The following KLHL32 variants were observed in gnomAD, a reference collection of about 807,000 sequenced individuals.
KLHL32 encodes kelch like family member 32.
A neutral mutation model predicts 64.8 loss-of-function variants in KLHL32; 35 were observed. The ratio of observed to expected loss-of-function variants is 0.54; its 90% CI spans 0.41 to 0.72. The LOEUF is 0.72. KLHL32 is among the 30% of genes least tolerant of loss of function. KLHL32 has a pLI of 0.00. For missense variants in KLHL32, 589 were observed against 768.5 expected (o/e 0.77, Z 2.76); for synonymous variants, 259 against 281.0 (o/e 0.92, Z 0.78).
At chr6:97,103,294 A>G (rs1318430088) in intron 6 of KLHL32, among the ~76,000 whole-genome samples, 2 of 151,186 alleles carry the variant, frequency 1.3e-5, no homozygotes, top group African/African-American at 2.4e-5. Flanking sequence ...GCTCACTGCA[A>G]GCTCCGCTTC....
At chr6:96,937,109 G>A (rs1188136566) in intron 1 of KLHL32, among the ~76,000 whole-genome samples, 7 of 151,528 alleles carry the variant, frequency 4.6e-5, no homozygotes, top group Non-Finnish European at 1.5e-5. Flanking sequence ...TTCACCCATT[G>A]TAACTGTGTA....
intron 7 of KLHL32, 140 bp downstream of exon 7, chr6:97,114,649 A>G (rs899058883): frequency 1.1e-6 from 1 of 931,982 alleles, no homozygotes; most frequent in African/African-American, 1.6e-5. Flanking sequence ...ACATTCATTT[A>G]TTGAGCACCT....
chr6:96,907,123 G>T, the KLHL32 span, among the ~76,000 whole-genome samples: 1 of 152,132 alleles, frequency 6.6e-6, no homozygotes, highest in Non-Finnish European at 1.5e-5. Flanking sequence ...TTGTTATTTA[G>T]CAATGCAGCT....
chr6:96,928,067 C>T (rs567178201), intron 1 of KLHL32, among the ~76,000 whole-genome samples: 3 of 152,244 alleles, frequency 2.0e-5, no homozygotes, highest in Admixed American at 2.0e-4. Flanking sequence ...TTACCTAATG[C>T]AGGTTATAGA....
At position 96,973,730 on chromosome 6, in the gene KLHL32, C is replaced by CTTTTTTTTTTTTTTTTTTT. The variant is rs558193523; in HGVS notation, c.24-2256_24-2255insTTTTTTTTTTTTTTTTTTT. ...GATTTTTGAGATCTTTACAGATTGC[C>CTTTTTTTTTTTTTTTTTTT]TTTTTTTTTTTAGACAGAGTCTCGC... On this transcript the variant is annotated intron_variant, in intron 2 of 10. Coordinates refer to ENST00000369261, the MANE Select transcript of KLHL32 (RefSeq NM_052904.4). Among the ~76,000 whole-genome samples, 693 of 118,000 alleles carry CTTTTTTTTTTTTTTTTTTT rather than the reference C, an allele frequency of 5.9e-3. 63 individuals are homozygous for CTTTTTTTTTTTTTTTTTTT. Among genetic ancestry groups the CTTTTTTTTTTTTTTTTTTT allele is most frequent in the South Asian group, 0.013 (45 of 3,572 alleles). 77.4% of individuals were successfully genotyped at this position (118,000 alleles called of 152,430 possible).
Position 97,041,489 on chromosome 6 carries a change from C to A in KLHL32, c.205-3C>A, listed in dbSNP as rs1358042003. The A allele has an allele frequency of 5.6e-6, 9 of 1,604,578 alleles. No homozygotes were observed. The highest frequency in any genetic ancestry group is 7.7e-6 in the Non-Finnish European group (9 of 1,171,420). On this transcript the variant is annotated splice_polypyrimidine_tract_variant and splice_region_variant and intron_variant, in intron 3 of 10. Coordinates refer to ENST00000369261, the MANE Select transcript of KLHL32 (RefSeq NM_052904.4). ...ACTGTCTTTCTCCCTTTCCTCACCT[C>A]AGGCAATGTTCAGTCTTTGTATGGT...
intron 6 of KLHL32, among the ~76,000 whole-genome samples, chr6:97,095,020 T>C (rs1562330584): frequency 6.6e-6 from 1 of 152,246 alleles, no homozygotes; most frequent in Non-Finnish European, 1.5e-5. Context: ...CTTTGATTAA[T>C]TCATTTGCTC....
At chr6:97,137,428 GTTCT>G (rs1800146089) in intron 10 of KLHL32, among the ~76,000 whole-genome samples, 1 of 152,122 alleles carries the variant, frequency 6.6e-6, no homozygotes, top group Admixed American at 6.5e-5. Context: ...CCACTTGTTT[GTTCT>G]TTCTTTTATT....
At chr6:96,898,526 G>A in the KLHL32 span, among the ~76,000 whole-genome samples, 2 of 151,904 alleles carry the variant, frequency 1.3e-5, no homozygotes, top group South Asian at 2.1e-4. Context: ...TGACCTAATG[G>A]TATCGATTTT....
At chr6:96,997,272 G>T (rs1562227641) in intron 3 of KLHL32, among the ~76,000 whole-genome samples, 1 of 152,230 alleles carries the variant, frequency 6.6e-6, no homozygotes, top group Admixed American at 6.5e-5. Context: ...AACCCACAGT[G>T]CCTGGCCCAC....
At chr6:96,948,894 G>T (rs1463631499) in intron 1 of KLHL32, among the ~76,000 whole-genome samples, 1 of 152,110 alleles carries the variant, frequency 6.6e-6, no homozygotes, top group Non-Finnish European at 1.5e-5. Context: ...ATGCGAAAAA[G>T]TCATGTAGCA....
At chr6:97,046,166 C>T (rs1245169428) in intron 4 of KLHL32, among the ~76,000 whole-genome samples, 1 of 152,060 alleles carries the variant, frequency 6.6e-6, no homozygotes, top group Non-Finnish European at 1.5e-5. Flanking sequence ...TCCTGGAGCA[C>T]CTTCTGAAAA....
chr6:96,968,563 T>A (rs1387789531), intron 2 of KLHL32, among the ~76,000 whole-genome samples: 1 of 152,124 alleles, frequency 6.6e-6, no homozygotes, highest in African/African-American at 2.4e-5. Context: ...CTTAAAATAA[T>A]TTTTTACTTT....
chr6:96,990,337 A>G (rs1452638080), intron 3 of KLHL32, among the ~76,000 whole-genome samples: 1 of 151,466 alleles, frequency 6.6e-6, no homozygotes, highest in Non-Finnish European at 1.5e-5. Context: ...CCTTGTTTTT[A>G]TGGGGGTGGG....
At chr6:97,032,115 C>A (rs1176682091) in intron 3 of KLHL32, among the ~76,000 whole-genome samples, 2 of 152,146 alleles carry the variant, frequency 1.3e-5, no homozygotes, top group Non-Finnish European at 2.9e-5. Flanking sequence ...GCCCACATGA[C>A]TAGTAGTTTA....
the KLHL32 span, among the ~76,000 whole-genome samples, chr6:96,905,754 T>C: frequency 6.6e-6 from 1 of 152,188 alleles, no homozygotes; most frequent in African/African-American, 2.4e-5. Flanking sequence ...TAATTATAGT[T>C]TAGGTTTGAT....
intron 6 of KLHL32, among the ~76,000 whole-genome samples, chr6:97,092,509 G>T (rs961426326): frequency 4.6e-5 from 7 of 152,060 alleles, no homozygotes; most frequent in African/African-American, 1.5e-4. Context: ...CTACAAATGT[G>T]ATGAGGGTAT....
chr6:97,108,039 G>T (rs1796643388), intron 6 of KLHL32, among the ~76,000 whole-genome samples: 1 of 152,180 alleles, frequency 6.6e-6, no homozygotes, highest in Non-Finnish European at 1.5e-5. Context: ...GTGCTTGAGA[G>T]ACCTCCTGTT....
intron 1 of KLHL32, among the ~76,000 whole-genome samples, chr6:96,935,032 A>G (rs979254283): frequency 5.3e-5 from 8 of 152,356 alleles, no homozygotes; most frequent in Admixed American, 5.2e-4. Context: ...GCACCAGTAT[A>G]CAGATAAGAA....
Sources: gnomAD v4.1 joint callset for allele counts (sites outside exome capture counted in the v4.1 genomes callset) on GRCh38, gnomAD v4.1.1 for gene constraint, MANE v1.5 for transcripts, NCBI Gene and HGNC (gene_info 2026-07-23, HGNC 2026-07-21) for gene names.